The following THRAP3 variants were observed in gnomAD, a reference collection of about 807,000 sequenced individuals.
THRAP3 encodes the protein thyroid hormone receptor associated protein 3, also known as thyroid hormone receptor-associated protein 3.
THRAP3 carries 16 observed loss-of-function variants against 101.0 expected under a neutral mutation model. The ratio of observed to expected loss-of-function variants is 0.16; its 90% CI spans 0.11 to 0.24. The LOEUF (loss-of-function observed/expected upper bound fraction) is 0.24, where lower values mean the gene tolerates loss of function less well. Ranked by LOEUF, THRAP3 falls within the 10% of genes least tolerant of loss-of-function variation. THRAP3 has a pLI of 1.00. For synonymous variants in THRAP3, 407 were observed against 422.6 expected, an observed-to-expected ratio of 0.96 and a Z score of 0.45; for missense variants, 989 against 1,202.7, an observed-to-expected ratio of 0.82 and a Z score of 2.63.
intron 2 of THRAP3, among the ~76,000 whole-genome samples, chr1:36,274,822 G>A (rs935663251): frequency 1.3e-5 from 2 of 150,722 alleles, no homozygotes; most frequent in Non-Finnish European, 3.0e-5. Flanking sequence ...TAGTAGAGAC[G>A]GGGTTTCACC....
At chr1:36,270,494 A>G (rs573362660) in intron 2 of THRAP3, among the ~76,000 whole-genome samples, 1 of 152,296 alleles carries the variant, frequency 6.6e-6, no homozygotes, top group East Asian at 1.9e-4. Context: ...TAAAAAGGCA[A>G]AGTAGATTTA....
rs1414174377 is a variant in THRAP3 at position 36,286,885 on chromosome 1, A to G, written c.655A>G (p.Ser219Gly). 6.2e-7 allele frequency: 1 copy of G among 1,614,054 alleles called. No homozygotes were observed. The highest frequency in any genetic ancestry group is 8.5e-7 in the Non-Finnish European group (1 of 1,179,892). The stretch of plus-strand genomic sequence containing the variant: ...CTCTCAAGATACAAAAGCATCTGAG[A>G]GCTCGAAGCCATGGCCAGATGCCAC... ...GTSQDTKASE[S>G]SKPWPDATYG... is the part of the protein sequence containing the mutation. The change falls in exon 4 of 12, where the codon AGC (serine) becomes GGC (glycine). Residue 219 changes from serine to glycine, a missense_variant. Physicochemically the swap from Ser to Gly is moderately conservative, Grantham distance 56 (BLOSUM62 0). Coordinates refer to ENST00000354618, the MANE Select transcript of THRAP3 (RefSeq NM_005119.4). The surrounding 1 kb of genome is among the most constrained non-coding windows in gnomAD (Gnocchi z 5.5).
At chr1:36,211,992 C>G in the THRAP3 span, among the ~76,000 whole-genome samples, 3 of 152,160 alleles carry the variant, frequency 2.0e-5, no homozygotes, top group African/African-American at 7.2e-5. Context: ...AATCCAACCC[C>G]AACCAACTCA....
chr1:36,261,360 A>G (rs1315939303), intron 2 of THRAP3, among the ~76,000 whole-genome samples: 4 of 152,238 alleles, frequency 2.6e-5, no homozygotes, highest in Admixed American at 2.0e-4. Context: ...GTGAAACCCC[A>G]TCTCTACTAA....
At chr1:36,208,803 A>T in the THRAP3 span, among the ~76,000 whole-genome samples, 1 of 151,896 alleles carries the variant, frequency 6.6e-6, no homozygotes, top group Non-Finnish European at 1.5e-5. Flanking sequence ...AATAGCTGGG[A>T]CTACAGGCAT....
the THRAP3 span, among the ~76,000 whole-genome samples, chr1:36,213,947 G>GAAAT: frequency 5.0e-5 from 6 of 118,988 alleles, no homozygotes; most frequent in Non-Finnish European, 1.0e-4. Flanking sequence ...AAGAAAGAAA[G>GAAAT]AAAGAAAGAA....
At chr1:36,263,197 TC>T (rs11294745) in intron 2 of THRAP3, among the ~76,000 whole-genome samples, 45,491 of 151,636 alleles carry the variant, frequency 0.3, 7,502 homozygotes, top group East Asian at 0.64. Context: ...CCTCCCAGGC[TC>T]AGGTGATCCT....
chr1:36,258,649 T>G (rs1332700781), intron 1 of THRAP3, among the ~76,000 whole-genome samples: 1 of 152,112 alleles, frequency 6.6e-6, no homozygotes, highest in Non-Finnish European at 1.5e-5. Context: ...CTAATTTTGT[T>G]TTTGTATTTT....
intron 2 of THRAP3, among the ~76,000 whole-genome samples, chr1:36,277,781 C>T (rs544950513): frequency 3.1e-4 from 47 of 152,094 alleles, no homozygotes; most frequent in African/African-American, 1.1e-3. Context: ...TATTTTGAGA[C>T]GGAATTCAGC....
the THRAP3 span, among the ~76,000 whole-genome samples, chr1:36,213,159 G>A: frequency 1.5e-4 from 23 of 152,290 alleles, no homozygotes; most frequent in South Asian, 4.1e-3. Context: ...ATCATCAGAG[G>A]TTATACCATG....
intron 9 of THRAP3, among the ~76,000 whole-genome samples, chr1:36,298,125 C>T (rs946098204): frequency 8.3e-6 from 1 of 120,162 alleles, no homozygotes; most frequent in African/African-American, 3.1e-5. Flanking sequence ...CCAGCCTAGG[C>T]GACAGAGTGA....
At chr1:36,293,416 C>A (rs1443551407) in intron 7 of THRAP3, among the ~76,000 whole-genome samples, 1 of 152,090 alleles carries the variant, frequency 6.6e-6, no homozygotes, top group African/African-American at 2.4e-5. Context: ...AAGAATTTGC[C>A]TGGGGGCTAG....
At chr1:36,241,383 GTGTATATATA>G (rs1307879100) in intron 1 of THRAP3, among the ~76,000 whole-genome samples, 2,239 of 132,042 alleles carry the variant, frequency 0.017, 55 homozygotes, top group Middle Eastern at 0.028. Flanking sequence ...ATGATAATGG[GTGTATATATA>G]TATATATATA....
chr1:36,258,615 A>G (rs183726555), intron 1 of THRAP3, among the ~76,000 whole-genome samples: 1 of 152,224 alleles, frequency 6.6e-6, no homozygotes, highest in East Asian at 1.9e-4. Flanking sequence ...AGCTGAGACT[A>G]CAGGTGCCTG....
intron 1 of THRAP3, among the ~76,000 whole-genome samples, chr1:36,240,391 A>G (rs1245478050): frequency 6.6e-6 from 1 of 152,246 alleles, no homozygotes; most frequent in African/African-American, 2.4e-5. Context: ...GTCTAAGGGC[A>G]GGAGGAGAGG....
At chr1:36,224,206 C>T (rs558315146), upstream of THRAP3, among the ~76,000 whole-genome samples, 28 of 152,358 alleles carry the variant, frequency 1.8e-4, no homozygotes, top group African/African-American at 6.3e-4. Flanking sequence ...CCTCCATCTC[C>T]AGGCCACCCA....
intron 2 of THRAP3, among the ~76,000 whole-genome samples, chr1:36,280,344 T>C (rs1381607527): frequency 6.6e-6 from 1 of 152,220 alleles, no homozygotes; most frequent in African/African-American, 2.4e-5. Flanking sequence ...TCTGTTGTTA[T>C]AGAGCTTACA....
rs1645831879 is a variant in THRAP3, at chr1:36,289,133, A to G, written c.1114A>G (p.Ile372Val). The part of the protein sequence containing the change: ...QKQTNTDKEK[I>V]KEKGSFSDTG... ...ACAAACAAATACCGATAAAGAAAAAATAAAAGAGAAAGGGAGCTTCTCTGA... is the reference window on the plus strand; with the variant it reads ...ACAAACAAATACCGATAAAGAAAAAGTAAAAGAGAAAGGGAGCTTCTCTGA... Residue 372 changes from isoleucine to valine, a missense_variant, in exon 5 of 12, where the codon ATA becomes GTA. Ile to Val is a conservative substitution (Grantham distance 29). Transcript: ENST00000354618. 1 of 1,611,812 alleles carries G rather than the reference A, an allele frequency of 6.2e-7. No homozygotes were observed. Among genetic ancestry groups the G allele is most frequent in the Non-Finnish European group, 8.5e-7 (1 of 1,179,600 alleles).
chr1:36,273,993 A>G (rs887731689), intron 2 of THRAP3, among the ~76,000 whole-genome samples: 1 of 151,706 alleles, frequency 6.6e-6, no homozygotes, highest in Non-Finnish European at 1.5e-5. Context: ...CAGTGAGCCA[A>G]GATCACGCCA....
Sources: gnomAD v4.1 joint callset for allele counts (sites outside exome capture counted in the v4.1 genomes callset) on GRCh38, gnomAD v4.1.1 for gene constraint, Gnocchi (gnomAD v3.1) non-coding constraint, MANE v1.5 for transcripts, NCBI Gene and HGNC (gene_info 2026-07-23, HGNC 2026-07-21) for gene names.